Variants in MASTL observed in about 807,000 individuals in gnomAD.
MASTL encodes microtubule associated serine/threonine kinase like.
Under a neutral mutation model 82.5 loss-of-function variants are expected in MASTL, and 54 were observed. That is an observed-to-expected ratio of 0.65 (90% CI 0.53 to 0.82). The LOEUF (loss-of-function observed/expected upper bound fraction) is 0.82. MASTL is among the 40% of genes least tolerant of loss of function. The pLI is 0.00. For synonymous variants in MASTL, 323 were observed against 368.9 expected (o/e 0.88, Z 1.43); for missense variants, 950 against 1,047.8 (o/e 0.91, Z 1.29).
At chr10:27,160,784 A>C (rs1205968284) in intron 3 of MASTL, among the ~76,000 whole-genome samples, 7 of 152,096 alleles carry the variant, frequency 4.6e-5, no homozygotes, top group Admixed American at 2.0e-4. Context: ...AAAGAAAGTA[A>C]ATGTAAATTT....
chr10:27,155,383 C>G lies in MASTL; in HGVS notation c.-44C>G. 2.6e-6 allele frequency: 4 copies of G among 1,544,858 alleles called. No individual in the cohort carries two copies. Among genetic ancestry groups the G allele is most frequent in the Non-Finnish European group, 3.5e-6 (4 of 1,143,730 alleles). Reference sequence around the variant, plus strand: ...AACCCAGTTGGCGGGAGTGGCTGCTCGCGGAGGGGCAGTGTCTGCGGGGCC... The same window carrying G: ...AACCCAGTTGGCGGGAGTGGCTGCTGGCGGAGGGGCAGTGTCTGCGGGGCC... On this transcript the variant is annotated 5_prime_UTR_variant, in exon 1 of 12. Coordinates refer to ENST00000375940, the MANE Select transcript of MASTL (RefSeq NM_001172303.3).
chr10:27,186,526 T>G lies in MASTL; in HGVS notation c.2630T>G (p.Phe877Cys). Residue 877 changes from phenylalanine to cysteine, a missense_variant, in exon 12 of 12, where the codon TTT becomes TGT. Physicochemically the swap from Phe to Cys is radical, Grantham distance 205. Coordinates refer to ENST00000375940, the MANE Select transcript of MASTL (RefSeq NM_001172303.3). ...GCTCAGCACCTGACTGTATCTGGATTTAGTCTGTAGCACAAAAATTTTCCT... is the reference window on the plus strand; with the variant it reads ...GCTCAGCACCTGACTGTATCTGGATGTAGTCTGTAGCACAAAAATTTTCCT... ...NTAQHLTVSGFSL is the reference protein window; with the variant it reads ...NTAQHLTVSGCSL 6.8e-6 allele frequency: 11 copies of G among 1,614,060 alleles called. No individual in the cohort carries two copies. The highest frequency in any genetic ancestry group is 9.3e-6 in the Non-Finnish European group (11 of 1,179,954).
chr10:27,177,473 AACAACATGCTG>A (rs2058136835), intron 9 of MASTL, among the ~76,000 whole-genome samples: 1 of 152,202 alleles, frequency 6.6e-6, no homozygotes, highest in Admixed American at 6.6e-5. Flanking sequence ...CCCTCAGCTA[AACAACATGCTG>A]ACAACATGCT....
chr10:27,162,845 G>A (rs1284624622), intron 4 of MASTL, among the ~76,000 whole-genome samples: 3 of 152,120 alleles, frequency 2.0e-5, no homozygotes, highest in Admixed American at 6.6e-5. Context: ...CAACAGTTAT[G>A]AATACCTAAA....
At position 27,186,534 on chromosome 10, in the gene MASTL, T is replaced by G; in HGVS notation, c.2638T>G (p.Ter880GluextTer28). ...CCTGACTGTATCTGGATTTAGTCTGTAGCACAAAAATTTTCCTTTTAGTCT... is the reference window on the plus strand; with the variant it reads ...CCTGACTGTATCTGGATTTAGTCTGGAGCACAAAAATTTTCCTTTTAGTCT... ...QHLTVSGFSL[*>E] Residue 880 changes from the stop codon to glutamate, a stop_lost, in exon 12 of 12, where the codon TAG (stop) becomes GAG (glutamate). Transcript: ENST00000375940. 1 of 1,613,936 alleles carries G rather than the reference T, an allele frequency of 6.2e-7. No individual in the cohort carries two copies. Among genetic ancestry groups the G allele is most frequent in the African/African-American group, 1.3e-5 (1 of 75,042 alleles).
chr10:27,187,285 A>C lies in MASTL; in HGVS notation c.*749A>C, dbSNP rs747610993. On this transcript the variant is annotated 3_prime_UTR_variant, in exon 12 of 12. Transcript: ENST00000375940. ...ACTGCACTCCAGCCTGGGCAACAGA[A>C]CAAGACTCCGTCTCAAAAAAATAAA... Among the ~76,000 whole-genome samples the C allele has an allele frequency of 1.3e-5, 2 of 152,214 alleles. No homozygotes were observed. Among genetic ancestry groups the C allele is most frequent in the East Asian group, 3.9e-4 (2 of 5,156 alleles).
chr10:27,183,476 G>A (rs1040157193), intron 11 of MASTL, among the ~76,000 whole-genome samples: 1 of 151,990 alleles, frequency 6.6e-6, no homozygotes, highest in African/African-American at 2.4e-5. Context: ...GTAGAGATGG[G>A]GTTTCACCAT....
chr10:27,155,047 G>C, upstream of MASTL: 2 of 250,914 alleles, frequency 8.0e-6, no homozygotes, highest in Non-Finnish European at 1.6e-5. Context: ...GTGGGAGGTC[G>C]TGTATGGGAG....
In MASTL at chr10:27,159,257, T is replaced by G. The variant is rs1429927847; in HGVS notation, c.325-362T>G. ...GAGATTACAGGCCCAGCTAATTTTTTGTATAAATTAGCTGCCACCAGGCCC... is the reference window on the plus strand; with the variant it reads ...GAGATTACAGGCCCAGCTAATTTTTGGTATAAATTAGCTGCCACCAGGCCC... On this transcript the variant is annotated intron_variant, in intron 2 of 11. Coordinates refer to ENST00000375940, the MANE Select transcript of MASTL (RefSeq NM_001172303.3). The surrounding 1 kb of genome is among the most constrained non-coding windows in gnomAD (Gnocchi z 4.0). Among the ~76,000 whole-genome samples the G allele has an allele frequency of 6.6e-6, 1 of 152,064 alleles. No individual in the cohort carries two copies. The highest frequency in any genetic ancestry group is 1.5e-5 in the Non-Finnish European group (1 of 68,020).
In MASTL at chr10:27,170,787, G is replaced by A. The variant is rs35571315; in HGVS notation, c.1828G>A (p.Val610Ile). ...EESNIEDPLI[V>I]TPDCQEKTSP... The stretch of plus-strand genomic sequence containing the variant: ...ATCAAATATTGAAGATCCACTTATT[G>A]TAACACCAGATTGCCAAGAAAAGAC... Residue 610 changes from valine to isoleucine, a missense_variant, in exon 8 of 12, where the codon GTA becomes ATA. Coordinates refer to ENST00000375940, the MANE Select transcript of MASTL (RefSeq NM_001172303.3). 0.011 allele frequency: 18,472 copies of A among 1,614,070 alleles called. 135 individuals are homozygous for A. The highest frequency in any genetic ancestry group is 0.013 in the Non-Finnish European group (15,812 of 1,179,962).
At chr10:27,173,318 G>C in intron 9 of MASTL, 59 bp downstream of exon 9, 1 of 1,607,220 alleles carries the variant, frequency 6.2e-7, no homozygotes, top group Non-Finnish European at 8.5e-7. Flanking sequence ...TATCTTTCAA[G>C]GTTAAATTTT....
chr10:27,186,292 AG>A, intron 11 of MASTL, 86 bp from the exon 12 acceptor site: 1 of 1,309,390 alleles, frequency 7.6e-7, no homozygotes, highest in Non-Finnish European at 1.1e-6. Flanking sequence ...GTTATATGTG[AG>A]ACATTCTCTT....
intron 3 of MASTL, among the ~76,000 whole-genome samples, chr10:27,160,754 AAAAAAAAAGAAAAG>A (rs1424937261): frequency 9.0e-5 from 13 of 144,244 alleles, no homozygotes; most frequent in Admixed American, 7.6e-4. Flanking sequence ...TCCATCTCAA[AAAAAAAAAGAAAAG>A]AAAAAAAAGA....
intron 9 of MASTL, among the ~76,000 whole-genome samples, chr10:27,178,922 T>C (rs188228521): frequency 2.4e-4 from 37 of 152,182 alleles, no homozygotes; most frequent in Non-Finnish European, 5.0e-4. Flanking sequence ...CATTTTGTAT[T>C]CCTTTAAGGG....
Position 27,162,443 on chromosome 10 carries a change from A to G in MASTL, c.553+1261A>G, listed in dbSNP as rs562307350. Among the ~76,000 whole-genome samples the G allele has an allele frequency of 4.5e-4, 68 of 152,318 alleles. No homozygotes were observed. The South Asian group carries it at 0.014, about 31-fold the overall frequency. ...TCTGGGAGGCCGAGGCGGGTAGATC[A>G]CTTGAGGTTGAGGTCAGGAGTTCTA... On this transcript the variant is annotated intron_variant, in intron 4 of 11. Transcript: ENST00000375940.
intron 1 of MASTL, among the ~76,000 whole-genome samples, chr10:27,157,367 C>T (rs2057426006): frequency 6.6e-6 from 1 of 152,182 alleles, no homozygotes; most frequent in South Asian, 2.1e-4. Flanking sequence ...CTCTTTGTGT[C>T]TACGAACTGG....
In MASTL at chr10:27,170,626, C is replaced by G; in HGVS notation, c.1667C>G (p.Ser556Cys). Residue 556 changes from serine (S) to cysteine (C), a missense_variant, in exon 8 of 12, where the codon TCT becomes TGT. By Grantham distance (112) the Ser-to-Cys change is moderately radical. Coordinates refer to ENST00000375940, the MANE Select transcript of MASTL (RefSeq NM_001172303.3). ...RDYLSSSFLC[S>C]DDDRASKNIS... ...TACTTAAGTTCTAGTTTTCTATGTT[C>G]TGATGATGATAGAGCTTCTAAAAAT... 6.2e-7 allele frequency: 1 copy of G among 1,607,390 alleles called. No homozygotes were observed. The highest frequency in any genetic ancestry group is 1.1e-5 in the South Asian group (1 of 89,596).
chr10:27,166,560 C>A (rs949992132), intron 6 of MASTL, among the ~76,000 whole-genome samples: 2 of 151,930 alleles, frequency 1.3e-5, no homozygotes, highest in African/African-American at 4.8e-5. Context: ...ATCACTTGAA[C>A]CCAGGAGTTT....
At chr10:27,162,321 G>A (rs2057596069) in intron 4 of MASTL, among the ~76,000 whole-genome samples, 1 of 152,178 alleles carries the variant, frequency 6.6e-6, no homozygotes, top group Non-Finnish European at 1.5e-5. Flanking sequence ...AATTACTTAA[G>A]TTCATCATAG....
Sources: gnomAD v4.1 joint callset for allele counts (sites outside exome capture counted in the v4.1 genomes callset) on GRCh38, gnomAD v4.1.1 for gene constraint, Gnocchi (gnomAD v3.1) non-coding constraint, MANE v1.5 for transcripts, NCBI Gene and HGNC (gene_info 2026-07-23, HGNC 2026-07-21) for gene names.